The following GNB1 variants were observed in gnomAD, a reference collection of about 807,000 sequenced individuals.
GNB1 encodes the protein G protein subunit beta 1.
GNB1 carries 2 observed loss-of-function variants against 42.9 expected under a neutral mutation model. That is an observed-to-expected ratio of 0.05 (90% CI 0.02 to 0.15). GNB1 has a LOEUF of 0.15. Among genes scored for constraint, GNB1 ranks in the 10% least tolerant of loss-of-function variants. The pLI, the probability that GNB1 is intolerant of heterozygous loss-of-function variation, is 1.00. For missense variants in GNB1, 193 were observed against 462.2 expected, an observed-to-expected ratio of 0.42 and a Z score of 5.34; for synonymous variants, 183 against 174.7, an observed-to-expected ratio of 1.05 and a Z score of -0.38.
At position 1,889,440 on chromosome 1, in the gene GNB1, C is replaced by T. The variant is rs577144257; in HGVS notation, c.-96+1380G>A. The stretch of plus-strand genomic sequence containing the variant: ...GTACACCCTAACTGTAAATGTACAC[C>T]AACTCCCTTTTCAAAACACAAATTT... On this transcript the variant is annotated intron_variant, in intron 1 of 11. Coordinates refer to ENST00000378609, the MANE Select transcript of GNB1 (RefSeq NM_002074.5). 5.1e-4 allele frequency among the ~76,000 whole-genome samples: 77 copies of T among 152,240 alleles called. 1 individual carries two copies. The South Asian group carries it at 0.016, about 32-fold the overall frequency.
At position 1,786,274 on chromosome 1, in the gene GNB1, C is replaced by G; in HGVS notation, c.*789G>C. Reference sequence around the variant, plus strand: ...AGGAAACCCAAAGTGAGATTAAAAACTCAACTGAGAAGATAGACAGGATGG... The same window carrying G: ...AGGAAACCCAAAGTGAGATTAAAAAGTCAACTGAGAAGATAGACAGGATGG... On this transcript the variant is annotated 3_prime_UTR_variant, in exon 12 of 12. Transcript: ENST00000378609. The G allele has an allele frequency of 2.6e-6, 1 of 388,088 alleles. No homozygotes were observed. Among genetic ancestry groups the G allele is most frequent in the Non-Finnish European group, 4.6e-6 (1 of 219,736 alleles). 24.0% of individuals were successfully genotyped at this position (388,088 alleles called of 1,614,324 possible).
At chr1:1,880,015 T>A (rs1348346398) in intron 1 of GNB1, among the ~76,000 whole-genome samples, 5 of 151,976 alleles carry the variant, frequency 3.3e-5, no homozygotes, top group Admixed American at 1.3e-4. Flanking sequence ...CACTGCAATC[T>A]CAACCTGCCA....
chr1:1,867,861 C>T (rs1178527975), intron 1 of GNB1, among the ~76,000 whole-genome samples: 1 of 152,178 alleles, frequency 6.6e-6, no homozygotes, highest in Admixed American at 6.6e-5. Flanking sequence ...ACATGACAAA[C>T]CATCCATTCC....
At chr1:1,870,451 C>T (rs1167502043) in intron 1 of GNB1, among the ~76,000 whole-genome samples, 1 of 152,186 alleles carries the variant, frequency 6.6e-6, no homozygotes, top group South Asian at 2.1e-4. Flanking sequence ...CCAGAGATTA[C>T]AGGGATTATA....
Position 1,815,845 on chromosome 1 carries a change from G to T in GNB1, c.114C>A (p.Asp38Glu). Reference protein sequence around the residue: ...ATLSQITNNIDPVGRIQMRTR... With the variant: ...ATLSQITNNIEPVGRIQMRTR... The stretch of plus-strand genomic sequence containing the variant: ...TGCGCATTTGGATTCTTCCCACTGG[G>T]TCGATGTTGTTTGTGATCTTGAAAA... Residue 38 changes from aspartate (D) to glutamate (E), a missense_variant, in exon 5 of 12, where the codon GAC (aspartate) becomes GAA (glutamate). Physicochemically the swap from Asp to Glu is conservative, Grantham distance 45. This residue lies in a region of GNB1 where 43 missense variants were observed against 51.5 expected (regional missense o/e 0.84). Transcript: ENST00000378609. 6.2e-7 allele frequency: 1 copy of T among 1,600,462 alleles called. No individual in the cohort carries two copies. Among genetic ancestry groups the T allele is most frequent in the Non-Finnish European group, 8.6e-7 (1 of 1,167,532 alleles).
intron 1 of GNB1, among the ~76,000 whole-genome samples, chr1:1,840,038 C>T (rs998753584): frequency 5.5e-5 from 8 of 145,352 alleles, no homozygotes; most frequent in Non-Finnish European, 1.2e-4. Context: ...TTCTTGGCAG[C>T]GAACTAAAAA....
At chr1:1,789,294 C>A in intron 9 of GNB1, 25 bp from the exon 10 acceptor site, 1 of 1,334,870 alleles carries the variant, frequency 7.5e-7, no homozygotes, top group Non-Finnish European at 1.1e-6. Context: ...CAAATCAAGA[C>A]ATCATGTAAA....
At chr1:1,826,169 C>T (rs1646995645) in intron 2 of GNB1, among the ~76,000 whole-genome samples, 1 of 152,166 alleles carries the variant, frequency 6.6e-6, no homozygotes. Flanking sequence ...GTAATCCCAA[C>T]AATTTGGGAG....
chr1:1,872,164 G>C (rs541136375), intron 1 of GNB1, among the ~76,000 whole-genome samples: 2 of 152,038 alleles, frequency 1.3e-5, no homozygotes, highest in Non-Finnish European at 2.9e-5. Flanking sequence ...ACAATGCCCA[G>C]CTAATTTTTT....
chr1:1,814,013 T>C (rs183405116), intron 5 of GNB1, among the ~76,000 whole-genome samples: 20 of 152,354 alleles, frequency 1.3e-4, no homozygotes, highest in Non-Finnish European at 1.3e-4. Flanking sequence ...CCGTGCTGTG[T>C]GGCACATTTC....
intron 2 of GNB1, chr1:1,832,261 T>TC (rs910329955): frequency 1.4e-4 from 22 of 152,130 alleles, no homozygotes; most frequent in African/African-American, 5.3e-4. Context: ...TCTCTTCGCT[T>TC]CCCTCAGTCC....
At chr1:1,861,308 T>G (rs2101651077) in intron 1 of GNB1, among the ~76,000 whole-genome samples, 1 of 151,718 alleles carries the variant, frequency 6.6e-6, no homozygotes, top group East Asian at 1.9e-4. Flanking sequence ...ACAAAAAAAT[T>G]TTTTAAAAAT....
chr1:1,867,826 A>T (rs553409935), intron 1 of GNB1, among the ~76,000 whole-genome samples: 4 of 152,306 alleles, frequency 2.6e-5, no homozygotes, highest in African/African-American at 9.6e-5. Context: ...CTACAGCTGG[A>T]TTGCCAGTTG....
intron 2 of GNB1, among the ~76,000 whole-genome samples, chr1:1,832,702 C>A (rs1437751874): frequency 6.6e-6 from 1 of 152,210 alleles, no homozygotes; most frequent in African/African-American, 2.4e-5. Flanking sequence ...AGGGGCACCT[C>A]AGCGGTGCCC....
intron 7 of GNB1, among the ~76,000 whole-genome samples, chr1:1,798,993 C>T (rs903779225): frequency 5.3e-5 from 8 of 151,508 alleles, no homozygotes; most frequent in Admixed American, 3.3e-4. Context: ...GATCTCGGCT[C>T]ACTGCAGGCT....
intron 3 of GNB1, among the ~76,000 whole-genome samples, chr1:1,820,333 G>A (rs371829648): frequency 4.2e-5 from 6 of 142,580 alleles, no homozygotes; most frequent in Middle Eastern, 3.8e-3. Context: ...ACTCCAGCCC[G>A]GGCAACAGAG....
intron 4 of GNB1, among the ~76,000 whole-genome samples, chr1:1,817,294 A>G (rs1646871220): frequency 6.6e-6 from 1 of 152,230 alleles, no homozygotes; most frequent in Non-Finnish European, 1.5e-5. Flanking sequence ...TTAATGGCTG[A>G]TAATACTCCA....
intron 7 of GNB1, among the ~76,000 whole-genome samples, chr1:1,803,780 A>C (rs1195641380): frequency 6.6e-6 from 1 of 151,782 alleles, no homozygotes; most frequent in Non-Finnish European, 1.5e-5. Context: ...TCAGGAGTTC[A>C]AGACCAGCCT....
At chr1:1,848,822 C>G (rs1647823726) in intron 1 of GNB1, among the ~76,000 whole-genome samples, 1 of 152,212 alleles carries the variant, frequency 6.6e-6, no homozygotes, top group African/African-American at 2.4e-5. Flanking sequence ...TTCCCTTTCA[C>G]TCTTTGTAAC....
Sources: allele counts gnomAD v4.1 joint callset (sites outside exome capture counted in the v4.1 genomes callset), GRCh38; gene constraint gnomAD v4.1.1; regional missense constraint gnomAD v4.1.1; transcripts MANE v1.5; gene names NCBI Gene and HGNC (gene_info 2026-07-23, HGNC 2026-07-21).